The following CLMP variants were observed in gnomAD, a reference collection of about 807,000 sequenced individuals.
CLMP encodes the protein CXADR like cell adhesion molecule.
In CLMP, 27 loss-of-function variants were observed where a neutral mutation model predicts 45.2. That is an observed-to-expected ratio of 0.60 (90% CI 0.44 to 0.82). The LOEUF is 0.82. Among genes scored for constraint, CLMP ranks in the 40% least tolerant of loss-of-function variants. CLMP has a pLI of 0.00. For synonymous variants in CLMP, 167 were observed against 171.4 expected (o/e 0.97, Z 0.20); for missense variants, 403 against 448.4 (o/e 0.90, Z 0.91).
At chr11:123,109,166 C>T (rs535162307) in intron 1 of CLMP, among the ~76,000 whole-genome samples, 1 of 151,984 alleles carries the variant, frequency 6.6e-6, no homozygotes, top group South Asian at 2.1e-4. Flanking sequence ...TGTTTATCCA[C>T]ATTAAAAAAC....
intron 1 of CLMP, among the ~76,000 whole-genome samples, chr11:123,174,775 T>A (rs1458938441): frequency 6.6e-6 from 1 of 152,222 alleles, no homozygotes; most frequent in East Asian, 1.9e-4. Flanking sequence ...ATTTTTTAAA[T>A]GGTTATCTAA....
intron 1 of CLMP, among the ~76,000 whole-genome samples, chr11:123,121,452 C>T (rs536491973): frequency 1.3e-5 from 2 of 152,144 alleles, no homozygotes; most frequent in African/African-American, 4.8e-5. Flanking sequence ...CATGTGCCAC[C>T]AGGCCCATCT....
At chr11:123,099,225 T>C (rs527557925) in intron 1 of CLMP, among the ~76,000 whole-genome samples, 1 of 152,326 alleles carries the variant, frequency 6.6e-6, no homozygotes, top group South Asian at 2.1e-4. Flanking sequence ...CAGAAACTCA[T>C]GTTCTTAAGT....
intron 5 of CLMP, 121 bp from the exon 6 acceptor site, chr11:123,074,964 T>G (rs4936774): frequency 0.024 from 29,148 of 1,238,684 alleles, 930 homozygotes; most frequent in East Asian, 0.17. Context: ...GTTTTGTTTT[T>G]TTTTTTTTGA....
intron 1 of CLMP, among the ~76,000 whole-genome samples, chr11:123,191,209 T>C (rs901930861): frequency 2.0e-5 from 3 of 152,214 alleles, no homozygotes; most frequent in African/African-American, 7.2e-5. Context: ...AATCTTTGAC[T>C]CTACCTTTAA....
At chr11:123,098,982 C>T (rs533328478) in intron 1 of CLMP, among the ~76,000 whole-genome samples, 63 of 152,068 alleles carry the variant, frequency 4.1e-4, no homozygotes, top group Non-Finnish European at 7.5e-4. Flanking sequence ...CGTGAGCCAC[C>T]GCGTCCGGCC....
chr11:123,191,084 T>A (rs1861900748), intron 1 of CLMP, among the ~76,000 whole-genome samples: 1 of 152,226 alleles, frequency 6.6e-6, no homozygotes. Context: ...TGTATACATG[T>A]CTTTTTCTAA....
intron 1 of CLMP, among the ~76,000 whole-genome samples, chr11:123,141,985 CT>C (rs10714246): frequency 0.24 from 28,025 of 117,368 alleles, 2,031 homozygotes; most frequent in African/African-American, 0.33. Flanking sequence ...TCCCCCCAGC[CT>C]TTTTTTTTTT....
At chr11:123,151,692 A>G (rs534980880) in intron 1 of CLMP, among the ~76,000 whole-genome samples, 1 of 152,346 alleles carries the variant, frequency 6.6e-6, no homozygotes, top group South Asian at 2.1e-4. Flanking sequence ...CTACTTAGCA[A>G]AGGCAGGGAA....
At chr11:123,186,049 T>C (rs1260450836) in intron 1 of CLMP, among the ~76,000 whole-genome samples, 2 of 152,148 alleles carry the variant, frequency 1.3e-5, no homozygotes, top group Admixed American at 6.5e-5. Context: ...CCTGGCTGCC[T>C]CGTCATGCCT....
In CLMP at chr11:123,160,204, C is replaced by T. The variant is rs559383201; in HGVS notation, c.28+34709G>A. Among the ~76,000 whole-genome samples, 7 of 126,016 alleles carry T rather than the reference C, an allele frequency of 5.6e-5. No homozygotes were observed. The South Asian group carries it at 1.1e-3, about 20-fold the overall frequency. The allele number at this position is 126,016 out of a possible 152,430, so 82.7% of individuals were successfully genotyped here. ...CTGAAGCAGGAGAATCACTTGAACCCGGGAGGCAAAGGTTGCAGTGAGCCA... is the reference window on the plus strand; with the variant it reads ...CTGAAGCAGGAGAATCACTTGAACCTGGGAGGCAAAGGTTGCAGTGAGCCA... On this transcript the variant is annotated intron_variant, in intron 1 of 6. Coordinates refer to ENST00000448775, the MANE Select transcript of CLMP (RefSeq NM_024769.5).
At chr11:123,151,631 T>G (rs1209573657) in intron 1 of CLMP, among the ~76,000 whole-genome samples, 1 of 152,248 alleles carries the variant, frequency 6.6e-6, no homozygotes, top group East Asian at 1.9e-4. Flanking sequence ...GGTAATATAC[T>G]AAATGCCTGT....
intron 2 of CLMP, among the ~76,000 whole-genome samples, chr11:123,095,835 G>A (rs930159378): frequency 1.3e-5 from 2 of 152,160 alleles, no homozygotes; most frequent in Admixed American, 1.3e-4. Flanking sequence ...TCACTAACCT[G>A]ACTTAGCAGC....
chr11:123,160,786 T>C (rs954150448), intron 1 of CLMP, among the ~76,000 whole-genome samples: 5 of 152,170 alleles, frequency 3.3e-5, no homozygotes, highest in African/African-American at 1.2e-4. Flanking sequence ...AAGACCAGCC[T>C]GGCTAACCTG....
intron 1 of CLMP, among the ~76,000 whole-genome samples, chr11:123,121,141 A>AT (rs1201916841): frequency 6.6e-6 from 1 of 151,732 alleles, no homozygotes; most frequent in African/African-American, 2.4e-5. Context: ...AAAAAAAAAA[A>AT]AAAAAGCTGT....
intron 1 of CLMP, among the ~76,000 whole-genome samples, chr11:123,151,629 AC>A (rs1861338498): frequency 1.3e-5 from 2 of 152,352 alleles, no homozygotes; most frequent in Admixed American, 1.3e-4. Context: ...AGGGTAATAT[AC>A]TAAATGCCTG....
intron 1 of CLMP, chr11:123,135,806 C>CT (rs1273828618): frequency 6.0e-6 from 2 of 336,090 alleles, no homozygotes; most frequent in African/African-American, 4.4e-5. Context: ...TATTTTCCAG[C>CT]TAGTTGTTTC....
intron 1 of CLMP, among the ~76,000 whole-genome samples, chr11:123,129,729 T>G (rs984091075): frequency 6.9e-6 from 1 of 145,158 alleles, no homozygotes; most frequent in Non-Finnish European, 1.5e-5. Context: ...ATAGATATAG[T>G]TCAGTACCAC....
rs1480191607 is a variant in CLMP at position 123,073,292 on chromosome 11, A to C, written c.*182T>G. 9.2e-6 allele frequency: 6 copies of C among 651,812 alleles called. No homozygotes were observed. The highest frequency in any genetic ancestry group is 1.5e-5 in the Non-Finnish European group (6 of 394,036). 40.4% of individuals were successfully genotyped at this position (651,812 alleles called of 1,614,324 possible). A position where few individuals can be genotyped will look rare whatever the true frequency, so the allele number is the denominator to read the frequency against. Reference sequence around the variant, plus strand: ...CCTTTTTACAGATGAATCAGCTTACATCCTTTTGCTTGTTTGGTATTGTAT... The same window carrying C: ...CCTTTTTACAGATGAATCAGCTTACCTCCTTTTGCTTGTTTGGTATTGTAT... On this transcript the variant is annotated 3_prime_UTR_variant, in exon 7 of 7. Coordinates refer to ENST00000448775, the MANE Select transcript of CLMP (RefSeq NM_024769.5).
Sources: gnomAD v4.1 joint callset for allele counts (sites outside exome capture counted in the v4.1 genomes callset) on GRCh38, gnomAD v4.1.1 for gene constraint, MANE v1.5 for transcripts, NCBI Gene and HGNC (gene_info 2026-07-23, HGNC 2026-07-21) for gene names.